TAOK2: variants seen among roughly 807,000 people sequenced by gnomAD.
The protein encoded by TAOK2 is serine/threonine-protein kinase TAO2.
TAOK2 carries 42 observed loss-of-function variants against 122.5 expected under a neutral mutation model. The observed-to-expected ratio is 0.34, with a 90% CI of 0.27 to 0.44. The LOEUF is 0.44. Among genes scored for constraint, TAOK2 ranks in the 20% least tolerant of loss-of-function variants. The probability of loss-of-function intolerance (pLI) is 1.00; values close to 1 mark genes in which losing one functional copy is unlikely to be tolerated. For synonymous variants in TAOK2, 704 were observed against 677.6 expected (o/e 1.04, Z -0.61); for missense variants, 1,264 against 1,644.9 (o/e 0.77, Z 4.01).
downstream of TAOK2, chr16:29,989,018 A>T: frequency 1.0e-6 from 1 of 985,024 alleles, no homozygotes; most frequent in Non-Finnish European, 1.2e-6. Flanking sequence ...CTTCTTACCC[A>T]TTTCTCAGCT....
Position 29,974,617 on chromosome 16 carries a change from AG to A in TAOK2, c.-65del, listed in dbSNP as rs1457613489. 1 of 152,586 alleles carries A rather than the reference AG, an allele frequency of 6.6e-6. No homozygotes were observed. Among genetic ancestry groups the A allele is most frequent in the Non-Finnish European group, 1.5e-5 (1 of 68,050 alleles). The allele number at this position is 152,586 out of a possible 1,614,324, so 9.5% of individuals were successfully genotyped here. A position where few individuals can be genotyped will look rare whatever the true frequency, so the allele number is the denominator to read the frequency against. On this transcript the variant is annotated 5_prime_UTR_variant, in exon 1 of 16. Transcript: ENST00000308893. The stretch of plus-strand genomic sequence containing the variant: ...GCTGGAGGACCCCAGGCGGAAGCGG[AG>A]GCGCTGGGGCACCATAGTGACCCCT...
At chr16:29,982,955 T>G (rs2069662768) in intron 11 of TAOK2, 54 bp downstream of exon 11, 5 of 1,605,636 alleles carry the variant, frequency 3.1e-6, no homozygotes, top group Non-Finnish European at 4.3e-6. Context: ...GCCTGCCCCC[T>G]GCAGTTGCTT....
rs1471046023 is a variant in TAOK2, at chr16:29,986,014, A to G, written c.1992+153A>G. ...GTGCCCCTTTTACTTCTCATCCCCA[A>G]CAGACCCTGCCAGAATTTCCTTAGG... is the stretch of plus-strand genomic sequence containing the variant. On this transcript the variant is annotated intron_variant, in intron 15 of 15. Transcript: ENST00000308893. This position sits in a 1 kb window ranked among gnomAD's most constrained non-coding sequence, Gnocchi z 4.2. Among the ~76,000 whole-genome samples the G allele has an allele frequency of 6.6e-6, 1 of 152,016 alleles. No homozygotes were observed. The highest frequency in any genetic ancestry group is 2.4e-5 in the African/African-American group (1 of 41,360).
rs761169768 is a variant in TAOK2, at chr16:29,983,649, C to T, written c.1407C>T (p.Ile469=). ...YCRNRDHFAT[I]RTASLVSRQI... ...GTAACCGAGACCACTTTGCCACCAT[C>T]CGAACCGCCTCCCTGGTGAGTGTAG... The change falls in exon 13 of 16, where the codon ATC becomes ATT. Residue 469 remains isoleucine, a synonymous_variant. Coordinates refer to ENST00000308893, the MANE Select transcript of TAOK2 (RefSeq NM_016151.4). 3.0e-5 allele frequency: 48 copies of T among 1,611,838 alleles called. No individual in the cohort carries two copies. The highest frequency in any genetic ancestry group is 3.8e-5 in the Non-Finnish European group (45 of 1,179,526).
At chr16:29,991,297 C>G (rs779012264), downstream of TAOK2, 8 of 1,611,580 alleles carry the variant, frequency 5.0e-6, no homozygotes, top group African/African-American at 9.3e-5. This position sits in a 1 kb window ranked among gnomAD's most constrained non-coding sequence, Gnocchi z 5.6. Flanking sequence ...CCTCCTCCAC[C>G]AGGCATGCCC....
downstream of TAOK2, chr16:29,988,413 T>A (rs1169435949): frequency 1.5e-6 from 2 of 1,294,550 alleles, no homozygotes; most frequent in Non-Finnish European, 2.0e-6. Context: ...TGGCCCAGGC[T>A]GCCTCTGTCT....
intron 13 of TAOK2, among the ~76,000 whole-genome samples, chr16:29,984,059 C>T (rs2069705494): frequency 6.6e-6 from 1 of 152,108 alleles, no homozygotes; most frequent in African/African-American, 2.4e-5. Context: ...GAGCCCTGTG[C>T]CGGGGGTGCC....
intron 1 of TAOK2, among the ~76,000 whole-genome samples, chr16:29,975,212 T>C (rs2069417642): frequency 6.6e-6 from 1 of 152,174 alleles, no homozygotes; most frequent in East Asian, 1.9e-4. Context: ...GTGTCAATAA[T>C]CTCATCCATT....
rs1025967617 is a variant in TAOK2, at chr16:29,983,623, C to T, written c.1381C>T (p.Arg461Cys). The T allele has an allele frequency of 1.2e-5, 20 of 1,613,432 alleles. No homozygotes were observed. Among genetic ancestry groups the T allele is most frequent in the African/African-American group, 4.0e-5 (3 of 74,918 alleles). ...TSSARRRAYC[R>C]NRDHFATIRT... is the part of the protein sequence containing the mutation. ...TTCCGCCCGCCGCCGGGCCTACTGC[C>T]GTAACCGAGACCACTTTGCCACCAT... Residue 461 changes from arginine to cysteine, a missense_variant, in exon 13 of 16, where the codon CGT becomes TGT. By Grantham distance (180) the Arg-to-Cys change is radical. Around this residue, in one of 4 missense-constraint regions of TAOK2, gnomAD observed 122 missense variants for 116.7 expected, o/e 1.04. Coordinates refer to ENST00000308893, the MANE Select transcript of TAOK2 (RefSeq NM_016151.4).
Position 29,981,740 on chromosome 16 carries a change from C to T in TAOK2, c.735C>T (p.Leu245=), listed in dbSNP as rs146397844. 1.2e-6 allele frequency: 2 copies of T among 1,614,066 alleles called. No individual in the cohort carries two copies. The highest frequency in any genetic ancestry group is 1.3e-5 in the African/African-American group (1 of 74,914). Residue 245 remains leucine, a synonymous_variant, in exon 9 of 16, where the codon CTC becomes CTT. Transcript: ENST00000308893. ...YHIAQNESPV[L]QSGHWSEYFR... The stretch of plus-strand genomic sequence containing the variant: ...TTGCACAGAACGAATCCCCCGTGCT[C>T]CAGTCAGGACACTGGTGAGGACTGA...
downstream of TAOK2, chr16:29,989,695 G>A: frequency 1.2e-6 from 2 of 1,614,074 alleles, no homozygotes; most frequent in African/African-American, 2.7e-5. Context: ...CACGCCCAAA[G>A]CTCAGCACAA....
In TAOK2 at chr16:29,977,786, G is replaced by T. The variant is rs755199294; in HGVS notation, c.14G>T (p.Gly5Val). 3 of 1,614,118 alleles carry T rather than the reference G, an allele frequency of 1.9e-6. No individual in the cohort carries two copies. The Admixed American group carries it at 5.0e-5, about 27-fold the overall frequency. The change falls in exon 2 of 16, where the codon GGC becomes GTC. Residue 5 changes from glycine to valine, a missense_variant. This residue lies in a region of TAOK2 where 254 missense variants were observed against 503.8 expected (regional missense o/e 0.50). Coordinates refer to ENST00000308893, the MANE Select transcript of TAOK2 (RefSeq NM_016151.4). ...CCAGGGGCCACCATGCCAGCTGGGG[G>T]CCGGGCCGGGAGCCTGAAGGACCCA... MPAG[G>V]RAGSLKDPDV...
At chr16:29,989,704 A>G (rs148701629), downstream of TAOK2, 57 of 1,613,968 alleles carry the variant, frequency 3.5e-5, no homozygotes. Context: ...AGCTCAGCAC[A>G]AGAGCCTCCT....
At chr16:29,977,968 A>G (rs966929157) in intron 2 of TAOK2, 64 bp downstream of exon 2, 2 of 1,612,986 alleles carry the variant, frequency 1.2e-6, no homozygotes, top group Non-Finnish European at 1.7e-6. Context: ...TGGACTTCCC[A>G]ACAGCCCTTG....
chr16:29,989,540 C>G, downstream of TAOK2: 1 of 1,606,312 alleles, frequency 6.2e-7, no homozygotes, highest in Non-Finnish European at 8.5e-7. Flanking sequence ...TCCTCCTCTT[C>G]CTCCTCCTCT....
chr16:29,991,064 G>T, downstream of TAOK2: 1 of 1,577,200 alleles, frequency 6.3e-7, no homozygotes, highest in Middle Eastern at 1.7e-4. This position sits in a 1 kb window ranked among gnomAD's most constrained non-coding sequence, Gnocchi z 5.6. Context: ...AGGAGCTGCT[G>T]GCCCTGCAGA....
Position 29,983,540 on chromosome 16 carries a change from A to C in TAOK2, c.1298A>C (p.Glu433Ala). ...CTATATGATGACCCCTACCAGCCAGAGATAACCCCCAGCCCTCTCCAGCCG... is the reference window on the plus strand; with the variant it reads ...CTATATGATGACCCCTACCAGCCAGCGATAACCCCCAGCCCTCTCCAGCCG... The part of the protein sequence containing the change: ...DNLYDDPYQP[E>A]ITPSPLQPPA... The change falls in exon 13 of 16, where the codon GAG becomes GCG. Residue 433 changes from glutamate to alanine, a missense_variant. Around this residue, in one of 4 missense-constraint regions of TAOK2, gnomAD observed 122 missense variants for 116.7 expected, o/e 1.04. Transcript: ENST00000308893. The C allele has an allele frequency of 1.9e-6, 3 of 1,613,586 alleles. No homozygotes were observed. The East Asian group carries it at 6.7e-5, about 36-fold the overall frequency.
At chr16:29,983,929 G>A (rs1171319595) in intron 13 of TAOK2, among the ~76,000 whole-genome samples, 1 of 152,194 alleles carries the variant, frequency 6.6e-6, no homozygotes, top group African/African-American at 2.4e-5. Flanking sequence ...GACATCTCCT[G>A]GGTTGCCTTC....
downstream of TAOK2, chr16:29,991,486 C>G: frequency 6.8e-7 from 1 of 1,481,262 alleles, no homozygotes; most frequent in Non-Finnish European, 9.0e-7. This position sits in a 1 kb window ranked among gnomAD's most constrained non-coding sequence, Gnocchi z 5.6. Context: ...GGCCCCCCTG[C>G]TGCCGCGGTG....
Sources: allele counts gnomAD v4.1 joint callset (sites outside exome capture counted in the v4.1 genomes callset), GRCh38; gene constraint gnomAD v4.1.1; regional missense constraint gnomAD v4.1.1; non-coding constraint Gnocchi (gnomAD v3.1); transcripts MANE v1.5; gene names NCBI Gene and HGNC (gene_info 2026-07-23, HGNC 2026-07-21).